GRID2: variants seen among roughly 807,000 people sequenced by gnomAD.
GRID2 encodes the protein glutamate receptor ionotropic, delta-2.
GRID2 carries 33 observed loss-of-function variants against 114.8 expected under a neutral mutation model. The ratio of observed to expected loss-of-function variants is 0.29; its 90% CI spans 0.22 to 0.38. The LOEUF (loss-of-function observed/expected upper bound fraction) is 0.38, where lower values mean the gene tolerates loss of function less well. Among genes scored for constraint, GRID2 ranks in the 10% least tolerant of loss-of-function variants. The probability of loss-of-function intolerance (pLI) is 1.00; values close to 1 mark genes in which losing one functional copy is unlikely to be tolerated. For missense variants in GRID2, 1,184 were observed against 1,257.7 expected, an observed-to-expected ratio of 0.94 and a Z score of 0.89; for synonymous variants, 505 against 449.9, an observed-to-expected ratio of 1.12 and a Z score of -1.55.
intron 1 of GRID2, among the ~76,000 whole-genome samples, chr4:92,564,988 G>C (rs1485222676): frequency 6.6e-6 from 1 of 151,790 alleles, no homozygotes; most frequent in Non-Finnish European, 1.5e-5. Context: ...ATTGTTATTG[G>C]CTTTAGAATT....
intron 9 of GRID2, among the ~76,000 whole-genome samples, chr4:93,411,038 A>G (rs938669694): frequency 2.6e-5 from 4 of 152,196 alleles, no homozygotes; most frequent in Non-Finnish European, 5.9e-5. Flanking sequence ...CTTCAGACTC[A>G]TTATCCACGA....
At chr4:93,258,338 T>C (rs917339285) in intron 8 of GRID2, among the ~76,000 whole-genome samples, 2 of 151,474 alleles carry the variant, frequency 1.3e-5, no homozygotes, top group African/African-American at 2.4e-5. Context: ...TTGGGTGAAA[T>C]AGAATAAAAA....
Position 92,918,400 on chromosome 4 carries a change from T to C in GRID2, c.245-166595T>C, listed in dbSNP as rs186101350. On this transcript the variant is annotated intron_variant, in intron 2 of 15. Coordinates refer to ENST00000282020, the MANE Select transcript of GRID2 (RefSeq NM_001510.4). ...CTTCCAACACTATGTTGAATAGGAG[T>C]GGTGAGAGAGGGCATCCCTGTCTTG... Among the ~76,000 whole-genome samples the C allele has an allele frequency of 2.8e-3, 431 of 152,082 alleles. 1 individual carries two copies. The highest frequency in any genetic ancestry group is 6.8e-3 in the Middle Eastern group (2 of 294).
intron 1 of GRID2, among the ~76,000 whole-genome samples, chr4:92,436,005 A>C (rs1732718851): frequency 6.6e-6 from 1 of 152,150 alleles, no homozygotes; most frequent in South Asian, 2.1e-4. Flanking sequence ...CCATGTGAGA[A>C]GATAATAGCA....
chr4:93,482,590 G>T (rs1034443565), intron 11 of GRID2, among the ~76,000 whole-genome samples: 1 of 151,802 alleles, frequency 6.6e-6, no homozygotes, highest in Non-Finnish European at 1.5e-5. Flanking sequence ...TGGATGAGGG[G>T]CTTAAAACCT....
At chr4:93,803,574 T>C (rs1287962820) in intron 1 of GRID2, among the ~76,000 whole-genome samples, 5 of 152,024 alleles carry the variant, frequency 3.3e-5, no homozygotes, top group African/African-American at 1.2e-4. Context: ...ATACAAAAAT[T>C]AGCCGGGCAT....
intron 1 of GRID2, among the ~76,000 whole-genome samples, chr4:92,400,481 A>G (rs1730733779): frequency 6.6e-6 from 1 of 152,106 alleles, no homozygotes; most frequent in African/African-American, 2.4e-5. Flanking sequence ...ATATGGCCAT[A>G]CCACTATTTG....
At chr4:93,788,446 C>A (rs1257897222) in intron 1 of GRID2, among the ~76,000 whole-genome samples, 3 of 152,028 alleles carry the variant, frequency 2.0e-5, no homozygotes, top group Non-Finnish European at 2.9e-5. Flanking sequence ...GTATGAATAT[C>A]TTAATTAGCT....
chr4:93,007,961 G>A (rs924495245), intron 2 of GRID2, among the ~76,000 whole-genome samples: 1 of 150,714 alleles, frequency 6.6e-6, no homozygotes, highest in Admixed American at 6.6e-5. Context: ...GAACTGCCCA[G>A]GAAGTGGAGG....
chr4:93,339,321 G>A (rs1449711853), intron 8 of GRID2, among the ~76,000 whole-genome samples: 2 of 152,168 alleles, frequency 1.3e-5, no homozygotes, highest in East Asian at 3.9e-4. Context: ...ACACTGGAAA[G>A]GATGGGCCAG....
intron 2 of GRID2, among the ~76,000 whole-genome samples, chr4:92,897,948 A>T (rs1428033122): frequency 6.6e-6 from 1 of 152,186 alleles, no homozygotes; most frequent in Non-Finnish European, 1.5e-5. Context: ...AAACATATAC[A>T]CTTTTCCAGC....
At chr4:92,490,379 T>G (rs547698071) in intron 1 of GRID2, among the ~76,000 whole-genome samples, 2 of 152,310 alleles carry the variant, frequency 1.3e-5, no homozygotes, top group East Asian at 3.9e-4. Context: ...GTGCTTGTAA[T>G]TTTTGTTCAT....
chr4:93,298,218 T>C (rs2149162439), intron 8 of GRID2, among the ~76,000 whole-genome samples: 1 of 152,200 alleles, frequency 6.6e-6, no homozygotes, highest in East Asian at 1.9e-4. Flanking sequence ...TCTTCCTCAG[T>C]CTCTGTCTTA....
At chr4:92,814,797 A>G (rs1301201499) in intron 2 of GRID2, among the ~76,000 whole-genome samples, 1 of 152,134 alleles carries the variant, frequency 6.6e-6, no homozygotes, top group African/African-American at 2.4e-5. Flanking sequence ...AAGCCATCAG[A>G]CACAGTGTCT....
At chr4:93,041,667 A>G (rs1451256532) in intron 2 of GRID2, among the ~76,000 whole-genome samples, 6 of 152,290 alleles carry the variant, frequency 3.9e-5, no homozygotes, top group East Asian at 3.9e-4. Context: ...ATGGCAAAAG[A>G]CTACCTTAGC....
rs554413369 is a variant in GRID2, at chr4:92,728,811, G to T, written c.244+138525G>T. Among the ~76,000 whole-genome samples, 6 of 151,988 alleles carry T rather than the reference G, an allele frequency of 3.9e-5. No homozygotes were observed. The East Asian group carries it at 1.2e-3, about 29-fold the overall frequency. On this transcript the variant is annotated intron_variant, in intron 2 of 15. Transcript: ENST00000282020. The stretch of plus-strand genomic sequence containing the variant: ...ATGTTGAAACAGAAATATGAGGAAT[G>T]ATAATATGGGTTATCATTTATGCCA...
chr4:93,616,778 G>C (rs572690877), intron 13 of GRID2, among the ~76,000 whole-genome samples: 1 of 151,650 alleles, frequency 6.6e-6, no homozygotes, highest in African/African-American at 2.4e-5. Context: ...ATAAAAATCA[G>C]TGAGGCGATC....
At chr4:93,093,515 A>C (rs1354523653) in intron 3 of GRID2, among the ~76,000 whole-genome samples, 1 of 152,022 alleles carries the variant, frequency 6.6e-6, no homozygotes, top group East Asian at 1.9e-4. Context: ...AATATTTGTG[A>C]AGTAGGAAAT....
At chr4:92,816,122 C>T (rs576605159) in intron 2 of GRID2, among the ~76,000 whole-genome samples, 6 of 151,390 alleles carry the variant, frequency 4.0e-5, no homozygotes, top group Non-Finnish European at 8.9e-5. Context: ...TCGAGATCAG[C>T]CTAGGCAACA....
Sources: allele counts gnomAD v4.1 joint callset (sites outside exome capture counted in the v4.1 genomes callset), GRCh38; gene constraint gnomAD v4.1.1; transcripts MANE v1.5; gene names NCBI Gene and HGNC (gene_info 2026-07-23, HGNC 2026-07-21).